The following RBFOX2 variants were observed in gnomAD, a reference collection of about 807,000 sequenced individuals.
RBFOX2 encodes RNA binding fox-1 homolog 2.
In RBFOX2, 10 loss-of-function variants were observed where a neutral mutation model predicts 49.1. The ratio of observed to expected loss-of-function variants is 0.20; its 90% CI spans 0.13 to 0.35. The LOEUF (loss-of-function observed/expected upper bound fraction) is 0.35, where lower values mean the gene tolerates loss of function less well. Among genes scored for constraint, RBFOX2 ranks in the 10% least tolerant of loss-of-function variants. The probability of loss-of-function intolerance (pLI) is 1.00; values close to 1 mark genes in which losing one functional copy is unlikely to be tolerated. For missense variants in RBFOX2, 323 were observed against 486.9 expected (o/e 0.66, Z 3.17); for synonymous variants, 183 against 187.4 (o/e 0.98, Z 0.19).
At chr22:35,867,618 A>C (rs1200343501) in intron 1 of RBFOX2, among the ~76,000 whole-genome samples, 2 of 152,152 alleles carry the variant, frequency 1.3e-5, no homozygotes, top group East Asian at 3.8e-4. Flanking sequence ...TGCTTTGGTA[A>C]GGGTTACCAG....
chr22:35,859,741 A>C (rs754311705), intron 1 of RBFOX2, among the ~76,000 whole-genome samples: 23 of 152,264 alleles, frequency 1.5e-4, no homozygotes, highest in Non-Finnish European at 2.8e-4. Flanking sequence ...TTTGTTTTTA[A>C]GTTAGAGGCA....
At chr22:35,851,328 A>G (rs767804593) in intron 1 of RBFOX2, among the ~76,000 whole-genome samples, 3 of 152,378 alleles carry the variant, frequency 2.0e-5, no homozygotes, top group South Asian at 4.1e-4. Flanking sequence ...TATTCAGTAT[A>G]ATTAATAAAA....
At chr22:35,970,495 A>C (rs1313003976) in intron 1 of RBFOX2, among the ~76,000 whole-genome samples, 1 of 115,030 alleles carries the variant, frequency 8.7e-6, no homozygotes, top group African/African-American at 6.2e-5. Context: ...AAAAAAAAAA[A>C]CACACACACT....
At chr22:36,015,140 G>C (rs2058984381) in intron 1 of RBFOX2, among the ~76,000 whole-genome samples, 2 of 152,126 alleles carry the variant, frequency 1.3e-5, no homozygotes, top group South Asian at 2.1e-4. Context: ...AGTATGACCA[G>C]CATTACCTCA....
At chr22:35,899,440 GAA>G (rs553146504) in intron 1 of RBFOX2, among the ~76,000 whole-genome samples, 18 of 150,718 alleles carry the variant, frequency 1.2e-4, no homozygotes, top group African/African-American at 4.1e-4. Flanking sequence ...AGTCTGGTCA[GAA>G]ATAAAACTCT....
At chr22:35,750,882 C>T (rs528857814) in intron 9 of RBFOX2, among the ~76,000 whole-genome samples, 16 of 152,336 alleles carry the variant, frequency 1.1e-4, no homozygotes, top group African/African-American at 3.8e-4. Context: ...GTTCCAGCTT[C>T]TTCAAAGGAA....
At chr22:36,018,770 C>T (rs552688727) in intron 1 of RBFOX2, among the ~76,000 whole-genome samples, 9 of 152,276 alleles carry the variant, frequency 5.9e-5, no homozygotes, top group African/African-American at 1.7e-4. Flanking sequence ...TGCGCCACCA[C>T]GCCCAGCTAA....
chr22:35,991,757 C>T (rs190223440), intron 1 of RBFOX2, among the ~76,000 whole-genome samples: 152 of 152,296 alleles, frequency 1.0e-3, no homozygotes, highest in Admixed American at 3.7e-3. Flanking sequence ...ATGATGTGGA[C>T]CGACTCAGGC....
At chr22:35,925,577 C>G (rs923222674) in intron 1 of RBFOX2, among the ~76,000 whole-genome samples, 1 of 152,104 alleles carries the variant, frequency 6.6e-6, no homozygotes. Flanking sequence ...AGTCAGCTCG[C>G]AAATAAATGC....
At chr22:35,809,597 A>G (rs1216211175) in intron 2 of RBFOX2, among the ~76,000 whole-genome samples, 183 bp downstream of exon 3, 2 of 152,202 alleles carry the variant, frequency 1.3e-5, no homozygotes. Context: ...TCGAAAAGCC[A>G]AGAGACTAAG....
rs150940323 is a variant in RBFOX2, at chr22:35,831,135, T to C, written c.27+9057A>G. Among the ~76,000 whole-genome samples, 397 of 152,292 alleles carry C rather than the reference T, an allele frequency of 2.6e-3. 4 individuals are homozygous for C. Among genetic ancestry groups the C allele is most frequent in the African/African-American group, 9.3e-3 (387 of 41,548 alleles). On this transcript the variant is annotated intron_variant, in intron 1 of 11. Coordinates refer to ENST00000405409, the Ensembl canonical transcript of RBFOX2. Reference sequence around the variant, plus strand: ...TTTTGCATAACCTGCAAGCTAAGCATGGTTTTACGTTTTTAAATAGTTAAG... The same window carrying C: ...TTTTGCATAACCTGCAAGCTAAGCACGGTTTTACGTTTTTAAATAGTTAAG...
At chr22:35,781,312 G>GT (rs1250768233) in intron 3 of RBFOX2, among the ~76,000 whole-genome samples, 2 of 152,186 alleles carry the variant, frequency 1.3e-5, no homozygotes, top group African/African-American at 4.8e-5. Context: ...GGTGAGTAGG[G>GT]TGACCATCCT....
chr22:35,787,051 T>A (rs991219575), intron 2 of RBFOX2, among the ~76,000 whole-genome samples: 32 of 152,056 alleles, frequency 2.1e-4, no homozygotes, highest in Admixed American at 2.1e-3. Context: ...CCTTTTTAAA[T>A]TTTTTTGAGT....
chr22:35,814,670 C>T (rs901082569), intron 1 of RBFOX2, among the ~76,000 whole-genome samples: 1 of 130,500 alleles, frequency 7.7e-6, no homozygotes, highest in African/African-American at 3.1e-5. Flanking sequence ...ATGATTATGG[C>T]ACTGCATTCC....
At chr22:36,017,066 A>G (rs925461215) in intron 1 of RBFOX2, among the ~76,000 whole-genome samples, 2 of 152,234 alleles carry the variant, frequency 1.3e-5, no homozygotes, top group African/African-American at 4.8e-5. Flanking sequence ...AGGGGAGAAC[A>G]ACAGCCAGAG....
chr22:35,988,023 T>C (rs748063843), intron 1 of RBFOX2, among the ~76,000 whole-genome samples: 20 of 152,202 alleles, frequency 1.3e-4, no homozygotes, highest in Non-Finnish European at 2.1e-4. Flanking sequence ...CCCCAGAGGA[T>C]GCTAACAGGC....
chr22:35,846,514 G>A (rs780325867), intron 1 of RBFOX2, among the ~76,000 whole-genome samples: 3 of 151,764 alleles, frequency 2.0e-5, no homozygotes, highest in South Asian at 2.1e-4. Flanking sequence ...TTGGGAGGCC[G>A]AGGAGGTGGA....
upstream of RBFOX2, among the ~76,000 whole-genome samples, chr22:35,942,445 C>T (rs536256483): frequency 2.2e-4 from 33 of 152,124 alleles, no homozygotes; most frequent in African/African-American, 7.7e-4. Flanking sequence ...ATTTTCAAAA[C>T]AGTGTTGTTT....
Position 35,890,851 on chromosome 22 carries a change from A to C in RBFOX2, c.-34+47996T>G, listed in dbSNP as rs149618008. Among the ~76,000 whole-genome samples the C allele has an allele frequency of 4.1e-3, 627 of 152,218 alleles. 3 individuals are homozygous for C. The highest frequency in any genetic ancestry group is 0.014 in the Middle Eastern group (4 of 294). On this transcript the variant is annotated intron_variant, in intron 1 of 13. Transcript: ENST00000359369. ...GTTCTCCCAAAAGAAGCTAGCATAA[A>C]ATGAAATAAGAGCCATAGTTTTTAA...
Sources: allele counts gnomAD v4.1 joint callset (sites outside exome capture counted in the v4.1 genomes callset), GRCh38; gene constraint gnomAD v4.1.1; transcripts MANE v1.5; gene names NCBI Gene and HGNC (gene_info 2026-07-23, HGNC 2026-07-21).